The following AFAP1L2 variants were observed in gnomAD, a reference collection of about 807,000 sequenced individuals.
AFAP1L2 encodes actin filament-associated protein 1-like 2.
In AFAP1L2, 46 loss-of-function variants were observed where a neutral mutation model predicts 99.3. The observed-to-expected ratio is 0.46, with a 90% CI of 0.37 to 0.59. AFAP1L2 has a LOEUF of 0.59. Among genes scored for constraint, AFAP1L2 ranks in the 20% least tolerant of loss-of-function variants. The probability of loss-of-function intolerance (pLI) is 0.00; values close to 1 mark genes in which losing one functional copy is unlikely to be tolerated. For missense variants in AFAP1L2, 959 were observed against 1,034.9 expected, an observed-to-expected ratio of 0.93 and a Z score of 1.01; for synonymous variants, 397 against 419.1, an observed-to-expected ratio of 0.95 and a Z score of 0.64.
chr10:114,391,421 T>C (rs1439303018), intron 1 of AFAP1L2, among the ~76,000 whole-genome samples: 1 of 152,144 alleles, frequency 6.6e-6, no homozygotes, highest in African/African-American at 2.4e-5. Flanking sequence ...GGTTTCACCA[T>C]GTTGGCGAGA....
chr10:114,300,380 C>A lies in AFAP1L2; in HGVS notation c.1789-18G>T. 6.2e-7 allele frequency: 1 copy of A among 1,614,138 alleles called. No homozygotes were observed. Among genetic ancestry groups the A allele is most frequent in the Non-Finnish European group, 8.5e-7 (1 of 1,180,024 alleles). The stretch of plus-strand genomic sequence containing the variant: ...TCCAGCTGCTTTGGGGGAAAGCAGA[C>A]CTGACTCAGCTGGCTGAAGGGGCGC... On this transcript the variant is annotated intron_variant, in intron 14 of 18. Transcript: ENST00000304129.
chr10:114,281,785 A>T, the AFAP1L2 span: 2 of 980,688 alleles, frequency 2.0e-6, no homozygotes, highest in African/African-American at 3.5e-5. Context: ...TAAGGAATAC[A>T]GTTGAAAAGT....
chr10:114,290,170 C>T, downstream of AFAP1L2: 3 of 1,531,284 alleles, frequency 2.0e-6, no homozygotes, highest in Non-Finnish European at 2.6e-6. Flanking sequence ...ACTGGGCTTA[C>T]TTAGGGTAGG....
intron 4 of AFAP1L2, among the ~76,000 whole-genome samples, chr10:114,330,301 G>GT (rs1473712997): frequency 2.0e-5 from 3 of 152,178 alleles, no homozygotes; most frequent in African/African-American, 7.2e-5. Context: ...GTGACGGTCA[G>GT]TTGGCAGGAG....
At chr10:114,292,449 GTTTTAA>G (rs924139658), downstream of AFAP1L2, among the ~76,000 whole-genome samples, 3 of 151,634 alleles carry the variant, frequency 2.0e-5, no homozygotes, top group Admixed American at 2.0e-4. Context: ...CGCTGTCTAG[GTTTTAA>G]TTTTGTTTTG....
chr10:114,370,267 T>G (rs2053915137), intron 1 of AFAP1L2, among the ~76,000 whole-genome samples: 1 of 152,226 alleles, frequency 6.6e-6, no homozygotes, highest in African/African-American at 2.4e-5. Flanking sequence ...AGGCTGCTGG[T>G]TGGTTGAAGG....
intron 1 of AFAP1L2, among the ~76,000 whole-genome samples, chr10:114,373,117 C>A (rs1409357646): frequency 6.6e-6 from 1 of 152,170 alleles, no homozygotes; most frequent in Non-Finnish European, 1.5e-5. Context: ...GTGGCATGCA[C>A]CTGTGGTCCC....
intron 7 of AFAP1L2, among the ~76,000 whole-genome samples, chr10:114,312,554 G>A (rs929891913): frequency 3.4e-5 from 5 of 146,764 alleles, no homozygotes; most frequent in Non-Finnish European, 1.5e-5. Context: ...CAAGTTTCAC[G>A]GAGCACTCAG....
Position 114,327,157 on chromosome 10 carries a change from ATATATATATATATATATTTTTT to A in AFAP1L2, c.316-3918_316-3897del, listed in dbSNP as rs1386743839. Among the ~76,000 whole-genome samples, 30 of 79,984 alleles carry A rather than the reference ATATATATATATATATATTTTTT, an allele frequency of 3.8e-4. 3 individuals are homozygous for A. The East Asian group carries it at 0.011, about 28-fold the overall frequency. 52.5% of individuals were successfully genotyped at this position (79,984 alleles called of 152,430 possible). On this transcript the variant is annotated intron_variant, in intron 4 of 18. Coordinates refer to ENST00000304129, the MANE Select transcript of AFAP1L2 (RefSeq NM_001001936.3). Reference sequence around the variant, plus strand: ...GAATTTTATATATATTTATATATATATATATATATATATATATTTTTTTTTTAGGCAGAGTCTCACTGTGTTG... The same window carrying A: ...GAATTTTATATATATTTATATATATATTTTAGGCAGAGTCTCACTGTGTTG...
At chr10:114,343,859 C>T (rs191767138) in intron 1 of AFAP1L2, among the ~76,000 whole-genome samples, 124 of 152,274 alleles carry the variant, frequency 8.1e-4, no homozygotes, top group Admixed American at 2.5e-3. Context: ...GGCCAAGAGC[C>T]GCACTGCCAG....
chr10:114,281,404 A>T, the AFAP1L2 span: 1 of 152,220 alleles, frequency 6.6e-6, no homozygotes, highest in Admixed American at 6.5e-5. Context: ...CAGGGTTTGG[A>T]TCCCAGCTCT....
intron 1 of AFAP1L2, among the ~76,000 whole-genome samples, chr10:114,389,177 G>A (rs1356666513): frequency 6.6e-6 from 1 of 152,120 alleles, no homozygotes; most frequent in Non-Finnish European, 1.5e-5. Flanking sequence ...CCTGCCTCTG[G>A]GGCCCAGGCA....
chr10:114,358,920 T>A (rs201028710), intron 1 of AFAP1L2, among the ~76,000 whole-genome samples: 3 of 150,518 alleles, frequency 2.0e-5, no homozygotes, highest in Non-Finnish European at 4.4e-5. Context: ...CATCTCAAAA[T>A]AAAAAAAAAA....
At chr10:114,326,157 G>A in intron 4 of AFAP1L2, 1 of 759,794 alleles carries the variant, frequency 1.3e-6, no homozygotes, top group Non-Finnish European at 1.8e-6. Flanking sequence ...GTGGAGCCAG[G>A]CAGTGTTTTG....
In AFAP1L2 at chr10:114,314,043, T is replaced by C. The variant is rs1315828374; in HGVS notation, c.620A>G (p.Lys207Arg). The C allele has an allele frequency of 8.7e-6, 14 of 1,609,224 alleles. No individual in the cohort carries two copies. Among genetic ancestry groups the C allele is most frequent in the Non-Finnish European group, 1.2e-5 (14 of 1,176,220 alleles). ...VIKDNRLLCYKSSKDHSPQLD... is the reference protein window; with the variant it reads ...VIKDNRLLCYRSSKDHSPQLD... The stretch of plus-strand genomic sequence containing the variant: ...CTGAGGGCTGTGGTCCTTGGAGGAT[T>C]TGTAGCACTGGAAGGAAAGAGAGAA... The change falls in exon 7 of 19, where the codon AAA becomes AGA. Residue 207 changes from lysine (K) to arginine (R), a missense_variant. By Grantham distance (26) the Lys-to-Arg change is conservative. Around this residue, in one of 2 missense-constraint regions of AFAP1L2, gnomAD observed 383 missense variants for 472.8 expected, o/e 0.81. Transcript: ENST00000304129.
intron 16 of AFAP1L2, 135 bp from the exon 17 acceptor site, chr10:114,297,548 G>A (rs1041824979): frequency 4.2e-6 from 4 of 952,256 alleles, no homozygotes; most frequent in Admixed American, 5.3e-5. Context: ...CTCAGAGCCA[G>A]GAGGGGCCTG....
intron 11 of AFAP1L2, among the ~76,000 whole-genome samples, chr10:114,302,801 CTG>C (rs1229065769): frequency 6.6e-6 from 1 of 152,168 alleles, no homozygotes. Flanking sequence ...CTATTAAAAA[CTG>C]TTAGTGACCA....
chr10:114,399,320 A>G (rs1489655162), intron 1 of AFAP1L2, among the ~76,000 whole-genome samples: 3 of 152,200 alleles, frequency 2.0e-5, no homozygotes, highest in Non-Finnish European at 2.9e-5. Context: ...TAATGAGGGT[A>G]CACAGTGGGA....
In AFAP1L2 at chr10:114,302,364, C is replaced by T. The variant is rs761315050; in HGVS notation, c.1405G>A (p.Val469Met). Residue 469 changes from valine to methionine, a missense_variant, in exon 12 of 19, where the codon GTG (valine) becomes ATG (methionine). Val to Met is a conservative substitution (Grantham distance 21). Around this residue, in one of 2 missense-constraint regions of AFAP1L2, gnomAD observed 576 missense variants for 562.1 expected, o/e 1.02. Transcript: ENST00000304129. ...YVDADRVSCIVSAAKNSLLLM... is the reference protein window; with the variant it reads ...YVDADRVSCIMSAAKNSLLLM... ...AAGAGAGAGTTTTTGGCCGCACTCACAATACAGGAGACCCTATCGGCATCC... is the reference window on the plus strand; with the variant it reads ...AAGAGAGAGTTTTTGGCCGCACTCATAATACAGGAGACCCTATCGGCATCC... 6.2e-7 allele frequency: 1 copy of T among 1,614,156 alleles called. No individual in the cohort carries two copies. The highest frequency in any genetic ancestry group is 2.2e-5 in the East Asian group (1 of 44,882).
Sources: allele counts gnomAD v4.1 joint callset (sites outside exome capture counted in the v4.1 genomes callset), GRCh38; gene constraint gnomAD v4.1.1; regional missense constraint gnomAD v4.1.1; transcripts MANE v1.5; gene names NCBI Gene and HGNC (gene_info 2026-07-23, HGNC 2026-07-21).